KLF12: variants seen among roughly 807,000 people sequenced by gnomAD.
KLF12 encodes Krueppel-like factor 12.
In KLF12, 9 loss-of-function variants were observed where a neutral mutation model predicts 37.8. The observed-to-expected ratio is 0.24, with a 90% confidence interval of 0.14 to 0.42. The LOEUF (loss-of-function observed/expected upper bound fraction) is 0.42. Ranked by LOEUF, KLF12 falls within the 10% of genes least tolerant of loss-of-function variation. The probability of loss-of-function intolerance (pLI) is 1.00; values close to 1 mark genes in which losing one functional copy is unlikely to be tolerated. For missense variants in KLF12, 411 were observed against 516.0 expected (o/e 0.80, Z 1.97); for synonymous variants, 208 against 202.1 (o/e 1.03, Z -0.25).
the KLF12 span, among the ~76,000 whole-genome samples, chr13:74,302,045 T>C: frequency 1.6e-3 from 243 of 152,242 alleles, no homozygotes; most frequent in African/African-American, 5.2e-3. Context: ...CTGTGAAGGA[T>C]GTTTTTGGTT....
At chr13:73,824,716 A>G (rs1883735135) in intron 4 of KLF12, among the ~76,000 whole-genome samples, 1 of 152,180 alleles carries the variant, frequency 6.6e-6, no homozygotes, top group African/African-American at 2.4e-5. Flanking sequence ...TCTGTTTGGT[A>G]TGCTTTTATA....
chr13:74,260,628 T>TAAAATAAAATAAAATAAAATAAAAG, the KLF12 span, among the ~76,000 whole-genome samples: 2 of 139,992 alleles, frequency 1.4e-5, no homozygotes, highest in African/African-American at 5.4e-5. Context: ...TAAAATAAAA[T>TAAAATAAAATAAAATAAAATAAAAG]AGTGAATTAA....
chr13:74,066,772 T>C lies in KLF12; in HGVS notation c.-32+66967A>G, dbSNP rs1468501711. ...ATTTAAATATCAAAGATAGCTGTCT[T>C]TGATAGTCCTCCCAAACTGGGCAGC... On this transcript the variant is annotated intron_variant, in intron 1 of 7. Coordinates refer to ENST00000377669, the MANE Select transcript of KLF12 (RefSeq NM_007249.5). Among the ~76,000 whole-genome samples, 4 of 152,254 alleles carry C rather than the reference T, an allele frequency of 2.6e-5. No homozygotes were observed. The East Asian group carries it at 7.7e-4, about 29-fold the overall frequency.
chr13:73,867,476 TA>T (rs1351162478), intron 3 of KLF12, among the ~76,000 whole-genome samples: 1 of 151,610 alleles, frequency 6.6e-6, no homozygotes, highest in Non-Finnish European at 1.5e-5. Context: ...AAAATAGTCT[TA>T]AAAAGCAAAG....
chr13:73,785,727 G>T (rs999238274), intron 5 of KLF12, among the ~76,000 whole-genome samples: 2 of 152,036 alleles, frequency 1.3e-5, no homozygotes, highest in East Asian at 3.9e-4. Context: ...ATGCTCTGAG[G>T]TATCTTCACT....
chr13:73,820,535 T>C (rs1349595641), intron 4 of KLF12, among the ~76,000 whole-genome samples: 1 of 152,234 alleles, frequency 6.6e-6, no homozygotes, highest in Non-Finnish European at 1.5e-5. Context: ...CGACAATGCC[T>C]TGTTTCTTGT....
chr13:74,124,859 A>T (rs565408832), intron 1 of KLF12, among the ~76,000 whole-genome samples: 5 of 152,260 alleles, frequency 3.3e-5, no homozygotes, highest in African/African-American at 1.2e-4. Flanking sequence ...TTTTTCTATT[A>T]AAAAATATAA....
chr13:74,247,736 T>C, the KLF12 span, among the ~76,000 whole-genome samples: 1 of 152,200 alleles, frequency 6.6e-6, no homozygotes, highest in African/African-American at 2.4e-5. Flanking sequence ...CCTCCCAAAG[T>C]GCTGGAATTA....
intron 4 of KLF12, among the ~76,000 whole-genome samples, chr13:73,825,861 T>C (rs1182136007): frequency 6.6e-6 from 1 of 152,186 alleles, no homozygotes; most frequent in Non-Finnish European, 1.5e-5. Context: ...AGATCCAGGG[T>C]GTCTCATTAC....
chr13:74,226,836 A>G, the KLF12 span, among the ~76,000 whole-genome samples: 1 of 152,252 alleles, frequency 6.6e-6, no homozygotes, highest in Non-Finnish European at 1.5e-5. Flanking sequence ...ACCATACGTT[A>G]CATATAGCAG....
chr13:73,875,114 C>T (rs1886642362), intron 3 of KLF12, among the ~76,000 whole-genome samples: 2 of 151,002 alleles, frequency 1.3e-5, no homozygotes, highest in Non-Finnish European at 3.0e-5. Flanking sequence ...TTAGGAAGAT[C>T]ACTCGCCAAT....
At chr13:74,018,635 C>T (rs1453190940) in intron 1 of KLF12, among the ~76,000 whole-genome samples, 1 of 152,112 alleles carries the variant, frequency 6.6e-6, no homozygotes, top group Non-Finnish European at 1.5e-5. Flanking sequence ...AATGAAACTT[C>T]AATGGAATTT....
At chr13:73,908,924 AC>A (rs1187285109) in intron 3 of KLF12, among the ~76,000 whole-genome samples, 1 of 152,234 alleles carries the variant, frequency 6.6e-6, no homozygotes, top group African/African-American at 2.4e-5. Context: ...TGGTAGAAGC[AC>A]AATAAAATAT....
At chr13:73,938,684 C>T (rs1184520553) in intron 3 of KLF12, among the ~76,000 whole-genome samples, 1 of 152,166 alleles carries the variant, frequency 6.6e-6, no homozygotes, top group Non-Finnish European at 1.5e-5. Flanking sequence ...GGAATAGCTT[C>T]AACACCTTGT....
the KLF12 span, among the ~76,000 whole-genome samples, chr13:74,269,354 A>G: frequency 1.3e-5 from 2 of 152,202 alleles, no homozygotes. Context: ...CATTTCATAT[A>G]GAGCATACTG....
chr13:73,938,631 A>G (rs151195595), intron 3 of KLF12, among the ~76,000 whole-genome samples: 1 of 152,328 alleles, frequency 6.6e-6, no homozygotes, highest in African/African-American at 2.4e-5. Flanking sequence ...AGGAAGTTAC[A>G]TTACAGCTGA....
intron 7 of KLF12, among the ~76,000 whole-genome samples, chr13:73,712,334 A>G (rs944265908): frequency 7.3e-6 from 1 of 136,212 alleles, no homozygotes; most frequent in African/African-American, 3.0e-5. Context: ...GCGAAACTCC[A>G]TGTCAAAAAA....
the KLF12 span, among the ~76,000 whole-genome samples, chr13:74,304,816 A>G: frequency 2.6e-5 from 4 of 152,086 alleles, no homozygotes; most frequent in Non-Finnish European, 5.9e-5. Flanking sequence ...AGTTTTTGAT[A>G]AAAGAATACA....
At chr13:74,203,452 C>T in the KLF12 span, among the ~76,000 whole-genome samples, 3 of 151,824 alleles carry the variant, frequency 2.0e-5, no homozygotes, top group African/African-American at 4.8e-5. Flanking sequence ...GCATCAATAC[C>T]TTCATAAATT....
Sources: gnomAD v4.1 joint callset for allele counts (sites outside exome capture counted in the v4.1 genomes callset) on GRCh38, gnomAD v4.1.1 for gene constraint, MANE v1.5 for transcripts, NCBI Gene and HGNC (gene_info 2026-07-23, HGNC 2026-07-21) for gene names.